Variants in SULF1 observed in about 807,000 individuals in gnomAD.
SULF1 encodes the protein extracellular sulfatase Sulf-1.
In SULF1, 46 loss-of-function variants were observed where a neutral mutation model predicts 110.5. The ratio of observed to expected loss-of-function variants is 0.42; its 90% CI spans 0.33 to 0.53. The LOEUF (loss-of-function observed/expected upper bound fraction) is 0.53. Ranked by LOEUF, SULF1 falls within the 20% of genes least tolerant of loss-of-function variation. The pLI, the probability that SULF1 is intolerant of heterozygous loss-of-function variation, is 0.12. For missense variants in SULF1, 941 were observed against 1,094.2 expected (o/e 0.86, Z 1.98); for synonymous variants, 371 against 387.1 (o/e 0.96, Z 0.49).
chr8:69,477,231 C>T lies in SULF1; in HGVS notation c.-391+10281C>T, dbSNP rs118001370. Among the ~76,000 whole-genome samples the T allele has an allele frequency of 3.8e-3, 585 of 152,258 alleles. 3 individuals are homozygous for T. Among genetic ancestry groups the T allele is most frequent in the Non-Finnish European group, 6.6e-3 (451 of 68,016 alleles). Reference sequence around the variant, plus strand: ...AAACATGTTCTGTCATACAGAGTCACCTTACCTTTTCGATGTAAAAACCAG... The same window carrying T: ...AAACATGTTCTGTCATACAGAGTCATCTTACCTTTTCGATGTAAAAACCAG... On this transcript the variant is annotated intron_variant, in intron 1 of 22. Transcript: ENST00000260128.
At chr8:69,520,663 C>A (rs906250632) in intron 3 of SULF1, among the ~76,000 whole-genome samples, 1 of 152,140 alleles carries the variant, frequency 6.6e-6, no homozygotes, top group African/African-American at 2.4e-5. Context: ...AACATTTCCC[C>A]CTTTGGTTTA....
chr8:69,590,324 G>T (rs1023727072), intron 8 of SULF1, among the ~76,000 whole-genome samples: 1 of 152,034 alleles, frequency 6.6e-6, no homozygotes, highest in African/African-American at 2.4e-5. Context: ...ACCACACCTG[G>T]CTAATTTTTT....
chr8:69,486,415 A>G (rs920777461), intron 1 of SULF1, among the ~76,000 whole-genome samples: 4 of 131,022 alleles, frequency 3.1e-5, no homozygotes, highest in African/African-American at 1.4e-4. Flanking sequence ...AGAAAGTTCT[A>G]TATAAATGCT....
At chr8:69,532,622 G>GT (rs1293357533) in intron 3 of SULF1, among the ~76,000 whole-genome samples, 1 of 152,232 alleles carries the variant, frequency 6.6e-6, no homozygotes, top group Admixed American at 6.5e-5. Context: ...GAAAAAGAAT[G>GT]TAAGAGGAAA....
chr8:69,640,405 G>T (rs62512187), intron 21 of SULF1, among the ~76,000 whole-genome samples: 1 of 152,262 alleles, frequency 6.6e-6, no homozygotes, highest in East Asian at 1.9e-4. Context: ...ACTTCAAGCC[G>T]TCCTCTCCAC....
intron 13 of SULF1, among the ~76,000 whole-genome samples, chr8:69,605,503 A>AGGTC (rs1808162908): frequency 6.6e-6 from 1 of 152,210 alleles, no homozygotes; most frequent in African/African-American, 2.4e-5. Flanking sequence ...TCGTTAGTAG[A>AGGTC]AATATTACTA....
At chr8:69,556,399 C>G (rs1196304710) in intron 3 of SULF1, among the ~76,000 whole-genome samples, 4 of 152,196 alleles carry the variant, frequency 2.6e-5, no homozygotes, top group African/African-American at 9.7e-5. Flanking sequence ...TCCCTTGCTT[C>G]CTGGTCTAGT....
At chr8:69,533,267 A>AG (rs1813223852) in intron 3 of SULF1, among the ~76,000 whole-genome samples, 1 of 152,326 alleles carries the variant, frequency 6.6e-6, no homozygotes, top group East Asian at 1.9e-4. Flanking sequence ...TTTAAGTTCC[A>AG]GGGTACATGT....
chr8:69,488,736 C>G (rs1210909861), upstream of SULF1, among the ~76,000 whole-genome samples: 1 of 151,988 alleles, frequency 6.6e-6, no homozygotes, highest in Non-Finnish European at 1.5e-5. Flanking sequence ...ATGACAGCCA[C>G]AGCAGCTTAA....
intron 3 of SULF1, among the ~76,000 whole-genome samples, chr8:69,506,051 G>A (rs1410613883): frequency 6.6e-6 from 1 of 152,020 alleles, no homozygotes; most frequent in Non-Finnish European, 1.5e-5. Flanking sequence ...TTATAAAATT[G>A]GAAACATGGA....
chr8:69,490,464 T>G (rs1403774289), upstream of SULF1, among the ~76,000 whole-genome samples: 1 of 152,124 alleles, frequency 6.6e-6, no homozygotes, highest in African/African-American at 2.4e-5. Flanking sequence ...AAAACCATTG[T>G]CTCAAACAAA....
chr8:69,562,298 T>G (rs1432505060), intron 3 of SULF1, among the ~76,000 whole-genome samples: 2 of 152,216 alleles, frequency 1.3e-5, no homozygotes, highest in African/African-American at 4.8e-5. Context: ...GTCTTTCTTC[T>G]TTCACTACCC....
At chr8:69,490,925 A>C (rs141533095), upstream of SULF1, among the ~76,000 whole-genome samples, 7 of 152,350 alleles carry the variant, frequency 4.6e-5, no homozygotes, top group East Asian at 1.2e-3. Context: ...TAACAAAATG[A>C]GAGATGATCC....
intron 13 of SULF1, among the ~76,000 whole-genome samples, chr8:69,620,475 G>A (rs1233816164): frequency 3.3e-5 from 5 of 152,194 alleles, no homozygotes; most frequent in Non-Finnish European, 7.3e-5. Context: ...TTCTTAGAAG[G>A]ATAAGAAAAG....
chr8:69,620,043 G>A lies in SULF1; in HGVS notation c.1378-992G>A, dbSNP rs559330066. On this transcript the variant is annotated intron_variant, in intron 13 of 22. Coordinates refer to ENST00000402687, the MANE Select transcript of SULF1 (RefSeq NM_001128205.2). ...TCACACACGGGCTTGAAGGATGAAT[G>A]CAGGGTTTTACTGAGTGTTGGAGGT... Among the ~76,000 whole-genome samples the A allele has an allele frequency of 7.7e-4, 117 of 152,162 alleles. 1 individual carries two copies. Among genetic ancestry groups the A allele is most frequent in the Non-Finnish European group, 1.3e-3 (91 of 68,020 alleles).
chr8:69,484,826 T>TCTTCTTCTTCTA (rs1809634385), intron 1 of SULF1, among the ~76,000 whole-genome samples: 1 of 13,458 alleles, frequency 7.4e-5, no homozygotes. Flanking sequence ...TTCATCTTCC[T>TCTTCTTCTTCTA]CTTCTTCTTC....
chr8:69,484,900 C>T (rs1228516611), intron 1 of SULF1, among the ~76,000 whole-genome samples: 1 of 148,318 alleles, frequency 6.7e-6, no homozygotes, highest in Non-Finnish European at 1.5e-5. Flanking sequence ...ACAGGAGTCA[C>T]ACCATGTTGC....
intron 3 of SULF1, among the ~76,000 whole-genome samples, chr8:69,516,817 GT>G (rs1417352973): frequency 6.6e-6 from 1 of 151,930 alleles, no homozygotes; most frequent in Non-Finnish European, 1.5e-5. Context: ...ATATTACCTA[GT>G]AATATTATCA....
chr8:69,560,971 T>G (rs1563531585), intron 3 of SULF1, among the ~76,000 whole-genome samples: 1 of 152,178 alleles, frequency 6.6e-6, no homozygotes, highest in African/African-American at 2.4e-5. Flanking sequence ...GAATTGAATG[T>G]TGGTGGTGGT....
Sources: gnomAD v4.1 joint callset for allele counts (sites outside exome capture counted in the v4.1 genomes callset) on GRCh38, gnomAD v4.1.1 for gene constraint, MANE v1.5 for transcripts, NCBI Gene and HGNC (gene_info 2026-07-23, HGNC 2026-07-21) for gene names.